FREM1: variants seen among roughly 807,000 people sequenced by gnomAD.
FREM1 encodes FRAS1 related extracellular matrix 1.
In FREM1, 220 loss-of-function variants were observed where a neutral mutation model predicts 210.1. The ratio of observed to expected loss-of-function variants is 1.05; its 90% confidence interval spans 0.94 to 1.17. The LOEUF is 1.17. FREM1 is among the 50% of genes most tolerant of loss of function. FREM1 has a pLI of 0.00. For synonymous variants in FREM1, 1,189 were observed against 980.2 expected, an observed-to-expected ratio of 1.21 and a Z score of -3.98; for missense variants, 3,454 against 2,675.5, an observed-to-expected ratio of 1.29 and a Z score of -6.42.
At chr9:14,843,491 A>G (rs569215008) in intron 8 of FREM1, among the ~76,000 whole-genome samples, 1 of 84,588 alleles carries the variant, frequency 1.2e-5, no homozygotes, top group Admixed American at 1.3e-4. Context: ...CACCTCATAG[A>G]TAGATAGGTA....
chr9:14,899,335 A>T (rs931931941), intron 1 of FREM1, among the ~76,000 whole-genome samples: 3 of 152,188 alleles, frequency 2.0e-5, no homozygotes, highest in Non-Finnish European at 4.4e-5. Context: ...CACTGAGCTT[A>T]ATGGCATTAA....
intron 1 of FREM1, among the ~76,000 whole-genome samples, chr9:14,873,154 G>T (rs901069015): frequency 6.6e-6 from 1 of 152,054 alleles, no homozygotes; most frequent in Non-Finnish European, 1.5e-5. Flanking sequence ...TCTCTGCCAG[G>T]CTTTGGTATC....
rs1006631134 is a variant in FREM1, at chr9:14,869,223, C to A, written c.-246G>T. ...TGACAACGCCGGCAAGATTAATGGG[C>A]TTCCCAAGTGCTTTTCTAATCCTGC... On this transcript the variant is annotated 5_prime_UTR_variant, in exon 2 of 37. Coordinates refer to ENST00000380880, the MANE Select transcript of FREM1 (RefSeq NM_001379081.2). 1.4e-5 allele frequency: 6 copies of A among 414,402 alleles called. No individual in the cohort carries two copies. Among genetic ancestry groups the A allele is most frequent in the Admixed American group, 1.1e-4 (3 of 26,438 alleles). 25.7% of individuals were successfully genotyped at this position (414,402 alleles called of 1,614,324 possible). A position where few individuals can be genotyped will look rare whatever the true frequency, so the allele number is the denominator to read the frequency against.
Position 14,759,666 on chromosome 9 carries a change from T to A in FREM1, c.5334+106A>T. The A allele has an allele frequency of 2.7e-6, 3 of 1,108,270 alleles. 1 individual carries two copies. In the South Asian group the frequency reaches 5.8e-5, roughly 21 times the overall value. 68.7% of individuals were successfully genotyped at this position (1,108,270 alleles called of 1,614,324 possible). On this transcript the variant is annotated intron_variant, in intron 28 of 36. Transcript: ENST00000380880. Reference sequence around the variant, plus strand: ...CAGAATAGTGGGATCTCCCTGCAATTTGAAATTTCCTTGGTCACTCTGAAT... The same window carrying A: ...CAGAATAGTGGGATCTCCCTGCAATATGAAATTTCCTTGGTCACTCTGAAT...
Position 14,841,444 on chromosome 9 carries a change from T to G in FREM1, c.1881+3A>C, listed in dbSNP as rs1176151908. 1 of 1,597,762 alleles carries G rather than the reference T, an allele frequency of 6.3e-7. No homozygotes were observed. ...GGGAAAGTGTTCAGAAACAGTCTCT[T>G]ACCTGTGGCACTGAAAGATTTGGAG... On this transcript the variant is annotated splice_donor_region_variant and intron_variant, in intron 10 of 36. Transcript: ENST00000380880.
At chr9:14,794,695 C>G (rs1852024662) in intron 21 of FREM1, among the ~76,000 whole-genome samples, 1 of 152,128 alleles carries the variant, frequency 6.6e-6, no homozygotes. Context: ...TTTAAGGGAG[C>G]ATCTTTAATA....
chr9:14,764,201 CT>C (rs1251717483), intron 27 of FREM1, among the ~76,000 whole-genome samples: 3 of 152,174 alleles, frequency 2.0e-5, no homozygotes, highest in African/African-American at 7.2e-5. Flanking sequence ...TAAGACTTGC[CT>C]TTTGCCTTCT....
intron 21 of FREM1, among the ~76,000 whole-genome samples, chr9:14,797,025 A>C (rs980971378): frequency 2.6e-5 from 4 of 152,210 alleles, no homozygotes; most frequent in Admixed American, 2.6e-4. Context: ...GTGGACAAAA[A>C]AGTACCAAGA....
chr9:14,837,526 G>T (rs1165864146), intron 10 of FREM1, among the ~76,000 whole-genome samples: 2 of 151,992 alleles, frequency 1.3e-5, no homozygotes, highest in Non-Finnish European at 2.9e-5. Context: ...AAAAAAGCAT[G>T]CTGTACATTC....
chr9:14,905,910 A>G (rs1817614993), intron 1 of FREM1, among the ~76,000 whole-genome samples: 1 of 152,136 alleles, frequency 6.6e-6, no homozygotes, highest in African/African-American at 2.4e-5. Flanking sequence ...AAAAGAAAAA[A>G]AAAAAGAATA....
intron 25 of FREM1, among the ~76,000 whole-genome samples, chr9:14,773,886 G>T (rs1848050363): frequency 6.6e-6 from 1 of 152,054 alleles, no homozygotes; most frequent in Non-Finnish European, 1.5e-5. Context: ...TGAATTTGCA[G>T]CCAAAGAGAC....
chr9:14,789,402 C>A (rs10810242), intron 22 of FREM1, among the ~76,000 whole-genome samples: 18,578 of 152,188 alleles, frequency 0.12, 1,498 homozygotes, highest in East Asian at 0.23. Flanking sequence ...GCAACCATAG[C>A]TGATTGAATA....
At chr9:14,819,943 T>C (rs368387088) in intron 13 of FREM1, among the ~76,000 whole-genome samples, 12 of 152,206 alleles carry the variant, frequency 7.9e-5, no homozygotes, top group South Asian at 4.1e-4. Context: ...ACAGTGAATA[T>C]TTTAGAAATG....
At chr9:14,824,149 T>C (rs1425591891) in intron 11 of FREM1, 34 bp from the exon 12 acceptor site, 1 of 1,356,532 alleles carries the variant, frequency 7.4e-7, no homozygotes, top group Non-Finnish European at 1.0e-6. Context: ...CATCAGCTCA[T>C]TTTTAGGTAA....
chr9:14,900,256 G>A (rs989862256), intron 1 of FREM1, among the ~76,000 whole-genome samples: 5 of 152,194 alleles, frequency 3.3e-5, no homozygotes, highest in African/African-American at 1.2e-4. Context: ...TAATTTGTCT[G>A]AGTGGGGCCC....
chr9:14,835,506 G>A (rs1358653125), intron 10 of FREM1, among the ~76,000 whole-genome samples: 1 of 152,158 alleles, frequency 6.6e-6, no homozygotes, highest in African/African-American at 2.4e-5. Context: ...AGCCCCTTAG[G>A]GAGAACTGGC....
At chr9:14,756,859 C>A (rs538109602) in intron 28 of FREM1, among the ~76,000 whole-genome samples, 2 of 152,158 alleles carry the variant, frequency 1.3e-5, no homozygotes, top group Admixed American at 1.3e-4. Flanking sequence ...AGCAGGTACC[C>A]CTGACAACCC....
intron 10 of FREM1, among the ~76,000 whole-genome samples, chr9:14,834,288 G>C (rs566762228): frequency 1.7e-4 from 26 of 152,248 alleles, no homozygotes; most frequent in African/African-American, 6.3e-4. Flanking sequence ...TTGAAATGAA[G>C]TGCATGGTAG....
At position 14,770,758 on chromosome 9, in the gene FREM1, G is replaced by C. The variant is rs888070590; in HGVS notation, c.4906C>G (p.Pro1636Ala). The C allele has an allele frequency of 1.2e-6, 2 of 1,613,330 alleles. No individual in the cohort carries two copies. The highest frequency in any genetic ancestry group is 1.3e-5 in the African/African-American group (1 of 74,884). Reference sequence around the variant, plus strand: ...TTTTTCAGGAGCCCCACTTGAGAAGGGGAATGCAAGAGTGTGATACGAGGA... The same window carrying C: ...TTTTTCAGGAGCCCCACTTGAGAAGCGGAATGCAAGAGTGTGATACGAGGA... The part of the protein sequence containing the change: ...TAPRITLLHS[P>A]SQVGLLKNGC... Residue 1636 changes from proline to alanine, a missense_variant, in exon 26 of 37, where the codon CCT becomes GCT. Pro to Ala is a conservative substitution (Grantham distance 27, BLOSUM62 -1). Coordinates refer to ENST00000380880, the MANE Select transcript of FREM1 (RefSeq NM_001379081.2).
Sources: allele counts gnomAD v4.1 joint callset (sites outside exome capture counted in the v4.1 genomes callset), GRCh38; gene constraint gnomAD v4.1.1; transcripts MANE v1.5; gene names NCBI Gene and HGNC (gene_info 2026-07-23, HGNC 2026-07-21).